TAFA2: variants seen among roughly 807,000 people sequenced by gnomAD.
TAFA2 encodes the protein chemokine-like protein TAFA-2.
In TAFA2, 7 loss-of-function variants were observed where a neutral mutation model predicts 18.8. The observed-to-expected ratio is 0.37, with a 90% CI of 0.21 to 0.70. TAFA2 has a LOEUF of 0.70. TAFA2 is among the 30% of genes least tolerant of loss of function. The pLI is 0.53. For missense variants in TAFA2, 122 were observed against 158.1 expected, an observed-to-expected ratio of 0.77 and a Z score of 1.23; for synonymous variants, 60 against 54.2, an observed-to-expected ratio of 1.11 and a Z score of -0.47.
intron 1 of TAFA2, among the ~76,000 whole-genome samples, chr12:62,222,757 G>T (rs1179843099): frequency 2.0e-5 from 3 of 150,906 alleles, no homozygotes; most frequent in Non-Finnish European, 4.4e-5. Context: ...CTCGTGATCC[G>T]CCCGCCTGGG....
intron 1 of TAFA2, among the ~76,000 whole-genome samples, chr12:62,051,581 C>A (rs1882055195): frequency 6.6e-6 from 1 of 151,986 alleles, no homozygotes; most frequent in South Asian, 2.1e-4. Context: ...TTTCATTACA[C>A]AAACACTTCA....
intron 1 of TAFA2, among the ~76,000 whole-genome samples, chr12:61,900,354 A>G (rs1242321205): frequency 1.3e-5 from 2 of 152,210 alleles, no homozygotes; most frequent in African/African-American, 4.8e-5. Context: ...TACTCCACAC[A>G]TTGCCAACAC....
chr12:61,728,015 G>A (rs1016443013), intron 4 of TAFA2, among the ~76,000 whole-genome samples: 1 of 141,244 alleles, frequency 7.1e-6, no homozygotes, highest in Non-Finnish European at 1.5e-5. Flanking sequence ...CCATGTATTT[G>A]CATACTTTTG....
chr12:61,754,835 G>T lies in TAFA2; in HGVS notation c.259+37C>A, dbSNP rs1209040630. On this transcript the variant is annotated intron_variant, in intron 3 of 4. Coordinates refer to ENST00000416284, the MANE Select transcript of TAFA2 (RefSeq NM_178539.5). ...GGGTTCTAGTTCTAAGCCATCCTTG[G>T]CTGTGCTGTTACAATAAGGAATGGA... 6 of 1,606,694 alleles carry T rather than the reference G, an allele frequency of 3.7e-6. No homozygotes were observed. In the South Asian group the frequency reaches 5.5e-5, roughly 15 times the overall value.
chr12:61,941,894 C>G (rs1013848470), intron 1 of TAFA2, among the ~76,000 whole-genome samples: 3 of 152,146 alleles, frequency 2.0e-5, no homozygotes, highest in Non-Finnish European at 2.9e-5. Flanking sequence ...CCGCCATTGC[C>G]CAGGCTTGAT....
At chr12:61,879,796 G>A in intron 1 of TAFA2, 3 of 1,476,746 alleles carry the variant, frequency 2.0e-6, no homozygotes, top group Admixed American at 1.7e-5. Flanking sequence ...GCCAGGAGAA[G>A]CTGAAGCTGG....
chr12:62,207,196 A>C (rs768968201), intron 1 of TAFA2: 1 of 152,182 alleles, frequency 6.6e-6, no homozygotes, highest in Non-Finnish European at 1.5e-5. Context: ...CCAACATTAG[A>C]CTGCATGCCT....
intron 1 of TAFA2, among the ~76,000 whole-genome samples, chr12:62,222,065 C>G (rs2062765331): frequency 6.6e-6 from 1 of 152,250 alleles, no homozygotes; most frequent in East Asian, 1.9e-4. Context: ...AAGATTAAAA[C>G]AAGCAATGTT....
chr12:62,259,617 A>C (rs1279610572), upstream of TAFA2: 1 of 152,264 alleles, frequency 6.6e-6, no homozygotes, highest in Non-Finnish European at 1.5e-5. Flanking sequence ...GATGGGGCTA[A>C]GAAAATGTTA....
chr12:61,729,035 T>A (rs1490015574), intron 4 of TAFA2, among the ~76,000 whole-genome samples: 4 of 151,256 alleles, frequency 2.6e-5, no homozygotes, highest in South Asian at 4.2e-4. Flanking sequence ...CTTGGCTGAT[T>A]TTTTTTTTCA....
rs1445511515 is a variant in TAFA2, at chr12:62,250,091, C to T, written c.-130+8672G>A. Among the ~76,000 whole-genome samples, 4 of 152,300 alleles carry T rather than the reference C, an allele frequency of 2.6e-5. 1 individual carries two copies. Among genetic ancestry groups the T allele is most frequent in the Admixed American group, 2.0e-4 (3 of 15,294 alleles). ...GGGCATCTGCATCTGGTGAGAAGCA[C>T]TCATGGTGGAAGGCAGAAGGACTTC... On this transcript the variant is annotated intron_variant, in intron 1 of 5. Coordinates refer to the TAFA2 transcript ENST00000551619.
At chr12:61,736,610 A>C (rs903520251) in intron 4 of TAFA2, among the ~76,000 whole-genome samples, 2 of 152,028 alleles carry the variant, frequency 1.3e-5, no homozygotes, top group Non-Finnish European at 2.9e-5. Context: ...AATTGGAATG[A>C]TTACATTTTC....
intron 2 of TAFA2, among the ~76,000 whole-genome samples, chr12:61,789,180 C>A (rs1034313849): frequency 6.6e-6 from 1 of 151,798 alleles, no homozygotes; most frequent in Non-Finnish European, 1.5e-5. Flanking sequence ...ACTTTTGTTG[C>A]CATTGCTTTT....
chr12:62,006,460 T>C (rs974536505), intron 1 of TAFA2, among the ~76,000 whole-genome samples: 1 of 152,258 alleles, frequency 6.6e-6, no homozygotes, highest in Admixed American at 6.5e-5. Flanking sequence ...CATGTTATAA[T>C]AACATAATTA....
chr12:61,738,503 C>T (rs888166125), intron 4 of TAFA2, among the ~76,000 whole-genome samples: 2 of 152,020 alleles, frequency 1.3e-5, no homozygotes, highest in African/African-American at 4.8e-5. Context: ...GAAGAATTGT[C>T]TCCTTCACCT....
rs142531721 is a variant in TAFA2 at position 61,971,764 on chromosome 12, C to T, written c.-1-104338G>A. On this transcript the variant is annotated intron_variant, in intron 1 of 4. Coordinates refer to ENST00000416284, the MANE Select transcript of TAFA2 (RefSeq NM_178539.5). ...GGGAGGGATAGTGTTAGGAGAAATA[C>T]CTAATGTAAATGACGAGTTAATGGG... Among the ~76,000 whole-genome samples, 584 of 151,452 alleles carry T rather than the reference C, an allele frequency of 3.9e-3. 2 individuals are homozygous for T. The highest frequency in any genetic ancestry group is 0.013 in the African/African-American group (548 of 41,344).
intron 1 of TAFA2, among the ~76,000 whole-genome samples, chr12:62,167,243 C>T (rs1430295089): frequency 6.6e-6 from 1 of 152,038 alleles, no homozygotes; most frequent in East Asian, 1.9e-4. Context: ...AGGACAGAAG[C>T]TAAACTTCTC....
At chr12:62,117,635 A>T (rs1870015655) in intron 1 of TAFA2, among the ~76,000 whole-genome samples, 1 of 152,136 alleles carries the variant, frequency 6.6e-6, no homozygotes, top group African/African-American at 2.4e-5. Flanking sequence ...TATAAAATAT[A>T]ATTTAAGTGA....
At chr12:62,160,745 T>C (rs2062401102) in intron 1 of TAFA2, among the ~76,000 whole-genome samples, 1 of 152,178 alleles carries the variant, frequency 6.6e-6, no homozygotes, top group Non-Finnish European at 1.5e-5. Context: ...GGTACTCTGA[T>C]TTCCTCCCAC....
Sources: gnomAD v4.1 joint callset for allele counts (sites outside exome capture counted in the v4.1 genomes callset) on GRCh38, gnomAD v4.1.1 for gene constraint, MANE v1.5 for transcripts, NCBI Gene and HGNC (gene_info 2026-07-23, HGNC 2026-07-21) for gene names.